The following AMPH variants were observed in gnomAD, a reference collection of about 807,000 sequenced individuals.
AMPH encodes the protein amphiphysin.
Under a neutral mutation model 99.1 loss-of-function variants are expected in AMPH, and 49 were observed. The ratio of observed to expected loss-of-function variants is 0.49; its 90% CI spans 0.39 to 0.63. The LOEUF (loss-of-function observed/expected upper bound fraction) is 0.63. Among genes scored for constraint, AMPH ranks in the 20% least tolerant of loss-of-function variants. The probability of loss-of-function intolerance (pLI) is 0.00; values close to 1 mark genes in which losing one functional copy is unlikely to be tolerated. For synonymous variants in AMPH, 314 were observed against 317.3 expected (o/e 0.99, Z 0.11); for missense variants, 759 against 863.4 (o/e 0.88, Z 1.52).
intron 20 of AMPH, among the ~76,000 whole-genome samples, chr7:38,386,756 T>C (rs1187726900): frequency 1.3e-5 from 2 of 152,172 alleles, no homozygotes; most frequent in Non-Finnish European, 2.9e-5. Context: ...TGGGTATAAA[T>C]AATGGGTAAA....
At position 38,461,342 on chromosome 7, in the gene AMPH, T is replaced by C; in HGVS notation, c.958A>G (p.Ile320Val). 3 of 1,614,166 alleles carry C rather than the reference T, an allele frequency of 1.9e-6. No homozygotes were observed. Among genetic ancestry groups the C allele is most frequent in the African/African-American group, 1.3e-5 (1 of 75,066 alleles). Reference protein sequence around the residue: ...TPTKELQQENIISFFEDNFVP... With the variant: ...TPTKELQQENVISFFEDNFVP... ...AAGTTGTCCTCAAAGAAACTGATGA[T>C]GTTCTCCTGCTGCAGTTCCTTTGTC... Residue 320 changes from isoleucine to valine, a missense_variant, in exon 11 of 21, where the codon ATC (isoleucine) becomes GTC (valine). Ile to Val is a conservative substitution (Grantham distance 29, BLOSUM62 3). Transcript: ENST00000356264.
intron 1 of AMPH, among the ~76,000 whole-genome samples, chr7:38,625,884 C>T (rs1158704084): frequency 6.6e-6 from 1 of 152,086 alleles, no homozygotes; most frequent in East Asian, 1.9e-4. Flanking sequence ...TGAAGCTGAA[C>T]ACTTAAGATT....
chr7:38,452,933 C>G (rs1455287677), intron 11 of AMPH, among the ~76,000 whole-genome samples: 2 of 152,208 alleles, frequency 1.3e-5, no homozygotes, highest in Non-Finnish European at 2.9e-5. Context: ...CAGGGAGAGA[C>G]AGCATCTGTA....
intron 11 of AMPH, among the ~76,000 whole-genome samples, chr7:38,441,071 A>G (rs1001801872): frequency 6.6e-6 from 1 of 152,138 alleles, no homozygotes; most frequent in African/African-American, 2.4e-5. Flanking sequence ...GTAAAAGGAT[A>G]TAAAGGATGC....
intron 1 of AMPH, among the ~76,000 whole-genome samples, chr7:38,541,694 G>A (rs752472223): frequency 6.6e-6 from 1 of 152,214 alleles, no homozygotes; most frequent in Non-Finnish European, 1.5e-5. Flanking sequence ...CACAGCCTCT[G>A]TCCCATTTGA....
Position 38,543,496 on chromosome 7 carries a change from TTC to T in AMPH, c.70-8487_70-8486del, listed in dbSNP as rs1403467390. On this transcript the variant is annotated intron_variant, in intron 1 of 20. Transcript: ENST00000356264. Reference sequence around the variant, plus strand: ...AATGCCCACTTTACTAAATCTATAATTCTCTAATTTATTAGCTATGACCTATG... The same window carrying T: ...AATGCCCACTTTACTAAATCTATAATTCTAATTTATTAGCTATGACCTATG... Among the ~76,000 whole-genome samples, 8 of 152,348 alleles carry T rather than the reference TTC, an allele frequency of 5.3e-5. No homozygotes were observed. The East Asian group carries it at 1.5e-3, about 29-fold the overall frequency.
intron 12 of AMPH, among the ~76,000 whole-genome samples, chr7:38,433,078 T>C (rs1310514706): frequency 6.6e-6 from 1 of 152,202 alleles, no homozygotes; most frequent in Non-Finnish European, 1.5e-5. Flanking sequence ...TATGCACTTA[T>C]TTTGAACTAC....
intron 1 of AMPH, among the ~76,000 whole-genome samples, chr7:38,622,454 T>TAC (rs57860314): frequency 0.019 from 2,793 of 149,748 alleles, 78 homozygotes; most frequent in African/African-American, 0.059. Context: ...TATGAATACA[T>TAC]ACACACACAC....
Position 38,548,304 on chromosome 7 carries a change from C to T in AMPH, c.70-13293G>A, listed in dbSNP as rs577220051. Among the ~76,000 whole-genome samples, 14 of 152,146 alleles carry T rather than the reference C, an allele frequency of 9.2e-5. No individual in the cohort carries two copies. The South Asian group carries it at 2.9e-3, about 32-fold the overall frequency. The stretch of plus-strand genomic sequence containing the variant: ...TCAGCCTCCCAAAGTGCTGGGATTA[C>T]AGGCTTGAGCCACTGCACCCGGCCC... On this transcript the variant is annotated intron_variant, in intron 1 of 20. Coordinates refer to ENST00000356264, the MANE Select transcript of AMPH (RefSeq NM_001635.4).
chr7:38,614,048 C>T (rs561071953), intron 1 of AMPH, among the ~76,000 whole-genome samples: 1 of 152,290 alleles, frequency 6.6e-6, no homozygotes, highest in East Asian at 1.9e-4. Flanking sequence ...AAGGGAAAGG[C>T]AGCAGTGGAA....
At chr7:38,428,822 C>T (rs117949510) in intron 14 of AMPH, 8,135 of 481,748 alleles carry the variant, frequency 0.017, 91 homozygotes, top group Non-Finnish European at 0.023. Context: ...CTTCCATGTC[C>T]TTTTCTAATA....
At chr7:38,592,899 A>T (rs1424647026) in intron 1 of AMPH, among the ~76,000 whole-genome samples, 1 of 152,222 alleles carries the variant, frequency 6.6e-6, no homozygotes, top group Non-Finnish European at 1.5e-5. Context: ...AGCCAAGGCC[A>T]ACCTGCGGCA....
At chr7:38,509,571 A>G (rs1293460038) in intron 2 of AMPH, among the ~76,000 whole-genome samples, 2 of 152,236 alleles carry the variant, frequency 1.3e-5, no homozygotes, top group Non-Finnish European at 2.9e-5. Context: ...CCATCAAATC[A>G]TCACAGCATG....
rs573990013 is a variant in AMPH at position 38,473,461 on chromosome 7, T to C, written c.590+1870A>G. ...GGCTCACGCCTGTAATCCCAGCACTTTGGGAGGCCGAGGCGGGTGGATCAT... is the reference window on the plus strand; with the variant it reads ...GGCTCACGCCTGTAATCCCAGCACTCTGGGAGGCCGAGGCGGGTGGATCAT... On this transcript the variant is annotated intron_variant, in intron 7 of 20. Coordinates refer to ENST00000356264, the MANE Select transcript of AMPH (RefSeq NM_001635.4). 7.6e-5 allele frequency among the ~76,000 whole-genome samples: 5 copies of C among 66,094 alleles called. 2 individuals are homozygous for C. The Admixed American group carries it at 1.0e-3, about 14-fold the overall frequency. The allele number at this position is 66,094 out of a possible 152,430, so 43.4% of individuals were successfully genotyped here.
intron 1 of AMPH, among the ~76,000 whole-genome samples, chr7:38,566,953 A>C (rs1192194542): frequency 4.6e-5 from 7 of 152,226 alleles, no homozygotes; most frequent in Non-Finnish European, 8.8e-5. Context: ...CGTGTAAATT[A>C]GTTCAGCCAT....
chr7:38,571,841 T>C (rs567941804), intron 1 of AMPH, among the ~76,000 whole-genome samples: 90 of 152,048 alleles, frequency 5.9e-4, no homozygotes, highest in African/African-American at 2.0e-3. Flanking sequence ...CACTCACTCA[T>C]TGCTCACCCA....
chr7:38,626,531 T>C (rs1220738134), intron 1 of AMPH, among the ~76,000 whole-genome samples: 1 of 152,180 alleles, frequency 6.6e-6, no homozygotes, highest in Non-Finnish European at 1.5e-5. Flanking sequence ...TTACACCTTA[T>C]ACAAAAATTA....
intron 1 of AMPH, among the ~76,000 whole-genome samples, chr7:38,585,054 C>A (rs1405569106): frequency 6.6e-6 from 1 of 152,172 alleles, no homozygotes; most frequent in Non-Finnish European, 1.5e-5. Context: ...GCTACATGTT[C>A]CAACCCTCAG....
intron 19 of AMPH, 80 bp downstream of exon 19, chr7:38,391,667 TA>T (rs1202672594): frequency 6.9e-7 from 1 of 1,458,132 alleles, no homozygotes; most frequent in African/African-American, 1.4e-5. Context: ...AAAGTAAAAG[TA>T]AAAACTGGAA....
Sources: gnomAD v4.1 joint callset for allele counts (sites outside exome capture counted in the v4.1 genomes callset) on GRCh38, gnomAD v4.1.1 for gene constraint, MANE v1.5 for transcripts, NCBI Gene and HGNC (gene_info 2026-07-23, HGNC 2026-07-21) for gene names.